ROBO1: variants seen among roughly 807,000 people sequenced by gnomAD.
ROBO1 encodes roundabout homolog 1.
ROBO1 carries 149 observed loss-of-function variants against 195.9 expected under a neutral mutation model. That is an observed-to-expected ratio of 0.76 (90% confidence interval 0.67 to 0.87). ROBO1 has a LOEUF of 0.87. Among genes scored for constraint, ROBO1 ranks in the 40% least tolerant of loss-of-function variants. The probability of loss-of-function intolerance (pLI) is 0.00; values close to 1 mark genes in which losing one functional copy is unlikely to be tolerated. For missense variants in ROBO1, 1,933 were observed against 2,068.3 expected (o/e 0.93, Z 1.27); for synonymous variants, 816 against 733.2 (o/e 1.11, Z -1.82).
At chr3:78,898,056 C>A (rs2037345275) in intron 4 of ROBO1, among the ~76,000 whole-genome samples, 1 of 150,752 alleles carries the variant, frequency 6.6e-6, no homozygotes, top group Non-Finnish European at 1.5e-5. Flanking sequence ...AATGAAATTG[C>A]TTTCAACAGT....
chr3:79,718,562 C>A (rs1702578490), intron 1 of ROBO1, among the ~76,000 whole-genome samples: 1 of 151,588 alleles, frequency 6.6e-6, no homozygotes, highest in South Asian at 2.1e-4. Context: ...ATCTGTTGGC[C>A]AAAATGATAA....
At chr3:79,039,567 G>A (rs2078443847) in intron 3 of ROBO1, among the ~76,000 whole-genome samples, 1 of 152,016 alleles carries the variant, frequency 6.6e-6, no homozygotes, top group African/African-American at 2.4e-5. Flanking sequence ...GGAGGCCGAG[G>A]TGGGCAGATC....
intron 2 of ROBO1, among the ~76,000 whole-genome samples, chr3:79,176,795 C>A (rs1224424494): frequency 2.0e-5 from 3 of 152,058 alleles, no homozygotes; most frequent in Non-Finnish European, 4.4e-5. Context: ...TATCTTCCTC[C>A]CTATTCAGAA....
At chr3:78,884,256 A>T (rs141157836) in intron 4 of ROBO1, among the ~76,000 whole-genome samples, 193 of 152,260 alleles carry the variant, frequency 1.3e-3, no homozygotes, top group African/African-American at 4.5e-3. Flanking sequence ...TTACAGAAGC[A>T]ATGCAGTGGA....
intron 2 of ROBO1, among the ~76,000 whole-genome samples, chr3:79,347,038 C>CT (rs1396423095): frequency 1.3e-5 from 2 of 151,872 alleles, no homozygotes; most frequent in Non-Finnish European, 2.9e-5. Context: ...TTACAAAGTA[C>CT]TATATAGTTA....
At chr3:79,585,373 T>C (rs1250315199) in intron 2 of ROBO1, among the ~76,000 whole-genome samples, 1 of 152,024 alleles carries the variant, frequency 6.6e-6, no homozygotes, top group East Asian at 1.9e-4. Flanking sequence ...AATAATATAA[T>C]TTAAAACCCA....
intron 2 of ROBO1, among the ~76,000 whole-genome samples, chr3:79,287,472 A>C (rs1010011092): frequency 6.6e-6 from 1 of 152,132 alleles, no homozygotes; most frequent in South Asian, 2.1e-4. Context: ...TAAAAATGCT[A>C]TCTCAAATAT....
chr3:78,774,320 T>C (rs929403401), intron 4 of ROBO1, among the ~76,000 whole-genome samples: 1 of 152,158 alleles, frequency 6.6e-6, no homozygotes, highest in Non-Finnish European at 1.5e-5. Flanking sequence ...TAAAAGTTTT[T>C]TTTTTTTTGA....
chr3:78,883,733 T>C (rs1334219652), intron 4 of ROBO1, among the ~76,000 whole-genome samples: 7 of 152,132 alleles, frequency 4.6e-5, no homozygotes, highest in Admixed American at 6.5e-5. Flanking sequence ...ATTTTAAATA[T>C]AGTATAGTTT....
chr3:78,698,595 C>G (rs2081352250), intron 8 of ROBO1, among the ~76,000 whole-genome samples: 1 of 152,152 alleles, frequency 6.6e-6, no homozygotes, highest in African/African-American at 2.4e-5. Flanking sequence ...CAGAGAGCTA[C>G]TAGCATTTAG....
intron 3 of ROBO1, among the ~76,000 whole-genome samples, chr3:79,079,856 A>T (rs879722673): frequency 1.3e-5 from 2 of 151,872 alleles, no homozygotes; most frequent in Non-Finnish European, 2.9e-5. Flanking sequence ...TAAAAGTACC[A>T]GAGTATTTTG....
In ROBO1 at chr3:79,061,396, G is replaced by A. The variant is rs538932454; in HGVS notation, c.172+64060C>T. On this transcript the variant is annotated intron_variant, in intron 3 of 30. Coordinates refer to ENST00000464233, the MANE Select transcript of ROBO1 (RefSeq NM_002941.4). ...AACATTCCATGCTCATGGATAGGAAGAATCAATATCATGAAAATGGCCATA... is the reference window on the plus strand; with the variant it reads ...AACATTCCATGCTCATGGATAGGAAAAATCAATATCATGAAAATGGCCATA... Among the ~76,000 whole-genome samples the A allele has an allele frequency of 2.0e-4, 31 of 152,214 alleles. No homozygotes were observed. In the South Asian group the frequency reaches 6.4e-3, roughly 32 times the overall value.
At position 78,957,373 on chromosome 3, in the gene ROBO1, CTAGTTAT is replaced by C. The variant is rs910691143; in HGVS notation, c.173-18453_173-18447del. On this transcript the variant is annotated intron_variant, in intron 3 of 30. Transcript: ENST00000464233. ...CCTGTCTCTCTCTCTCTCTTTTCTT[CTAGTTAT>C]TAAAGTTTCAAAGTTAATACAAATG... Among the ~76,000 whole-genome samples, 353 of 150,942 alleles carry C rather than the reference CTAGTTAT, an allele frequency of 2.3e-3. 1 individual carries two copies. The highest frequency in any genetic ancestry group is 8.1e-3 in the African/African-American group (334 of 41,000).
chr3:78,672,792 G>A (rs1708141352), intron 10 of ROBO1, among the ~76,000 whole-genome samples: 1 of 152,196 alleles, frequency 6.6e-6, no homozygotes, highest in South Asian at 2.1e-4. Flanking sequence ...CTTATATTCA[G>A]GTCTAGGATC....
At chr3:79,098,589 G>A (rs1185499750) in intron 3 of ROBO1, among the ~76,000 whole-genome samples, 3 of 151,554 alleles carry the variant, frequency 2.0e-5, no homozygotes, top group Non-Finnish European at 4.4e-5. Flanking sequence ...ACACCCAATG[G>A]GAATAAACTT....
At chr3:78,746,968 C>G (rs1415968188) in intron 4 of ROBO1, 68 bp from the exon 5 acceptor site, 1 of 1,055,086 alleles carries the variant, frequency 9.5e-7, no homozygotes, top group East Asian at 2.9e-5. Context: ...TGAACTTCAG[C>G]AGGAGACATT....
At chr3:78,711,087 T>C (rs529874812) in intron 8 of ROBO1, among the ~76,000 whole-genome samples, 1 of 152,324 alleles carries the variant, frequency 6.6e-6, no homozygotes, top group South Asian at 2.1e-4. Flanking sequence ...CATGACGTTA[T>C]GAGATACAGA....
chr3:79,438,179 C>T (rs1265340034), intron 2 of ROBO1, among the ~76,000 whole-genome samples: 3 of 151,788 alleles, frequency 2.0e-5, no homozygotes, highest in African/African-American at 7.3e-5. Flanking sequence ...TGAATATTCT[C>T]TCATATGAAT....
chr3:79,655,444 C>A (rs1318561592), intron 1 of ROBO1, among the ~76,000 whole-genome samples: 2 of 151,962 alleles, frequency 1.3e-5, no homozygotes, highest in African/African-American at 4.8e-5. Context: ...ATTTACTACT[C>A]TTGTGTGGAA....
Sources: gnomAD v4.1 joint callset for allele counts (sites outside exome capture counted in the v4.1 genomes callset) on GRCh38, gnomAD v4.1.1 for gene constraint, MANE v1.5 for transcripts, NCBI Gene and HGNC (gene_info 2026-07-23, HGNC 2026-07-21) for gene names.